Variants in ADAMTS18 observed in about 807,000 individuals in gnomAD.
The protein encoded by ADAMTS18 is ADAM metallopeptidase with thrombospondin type 1 motif 18, also known as A disintegrin and metalloproteinase with thrombospondin motifs 18.
ADAMTS18 carries 157 observed loss-of-function variants against 165.9 expected under a neutral mutation model. That is an observed-to-expected ratio of 0.95 (90% CI 0.83 to 1.08). ADAMTS18 has a LOEUF of 1.08. Among genes scored for constraint, ADAMTS18 ranks in the 50% least tolerant of loss-of-function variants. The pLI is 0.00. For synonymous variants in ADAMTS18, 782 were observed against 578.2 expected (o/e 1.35, Z -5.06); for missense variants, 2,040 against 1,534.0 (o/e 1.33, Z -5.51).
At position 77,283,115 on chromosome 16, in the gene ADAMTS18, T is replaced by A. The variant is rs1158161554; in HGVS notation, c.*841A>T. 6.6e-6 allele frequency: 1 copy of A among 152,534 alleles called. No individual in the cohort carries two copies. Among genetic ancestry groups the A allele is most frequent in the Admixed American group, 6.5e-5 (1 of 15,268 alleles). The allele number at this position is 152,534 out of a possible 1,614,324, so 9.4% of individuals were successfully genotyped here. A position where few individuals can be genotyped will look rare whatever the true frequency, so the allele number is the denominator to read the frequency against. The stretch of plus-strand genomic sequence containing the variant: ...CTAGATATTTTTTAAATACCAGAAA[T>A]GGGTATGTAGCATTCCCAAAGAGCG... On this transcript the variant is annotated 3_prime_UTR_variant, in exon 23 of 23. Transcript: ENST00000282849.
At chr16:77,396,020 C>A (rs771322069) in intron 3 of ADAMTS18, among the ~76,000 whole-genome samples, 1 of 152,176 alleles carries the variant, frequency 6.6e-6, no homozygotes, top group South Asian at 2.1e-4. Context: ...AGGGTAGGGA[C>A]AAGACCATTA....
In ADAMTS18 at chr16:77,294,962, A is replaced by C. The variant is rs745888861; in HGVS notation, c.2967T>G (p.His989Gln). The C allele has an allele frequency of 5.6e-6, 9 of 1,614,042 alleles. No individual in the cohort carries two copies. The highest frequency in any genetic ancestry group is 1.7e-5 in the Admixed American group (1 of 59,994). Residue 989 changes from histidine to glutamine, a missense_variant, in exon 19 of 23, where the codon CAT (histidine) becomes CAG (glutamine). His to Gln is a conservative substitution (Grantham distance 24). Transcript: ENST00000282849. ...TPTQVQACNS[H>Q]ACPPQWSLGP... ...CAAGGCTCCATTGTGGAGGGCAGGC[A>C]TGGCTGTTGCAGGCTTGGACCTGAG... is the stretch of plus-strand genomic sequence containing the variant.
At chr16:77,328,966 G>A (rs2056141741) in intron 12 of ADAMTS18, among the ~76,000 whole-genome samples, 1 of 152,220 alleles carries the variant, frequency 6.6e-6, no homozygotes, top group Admixed American at 6.5e-5. Flanking sequence ...TGTGGACTCA[G>A]TCCAGGATTT....
intron 3 of ADAMTS18, among the ~76,000 whole-genome samples, chr16:77,394,255 C>T (rs574013860): frequency 1.3e-5 from 2 of 152,212 alleles, no homozygotes; most frequent in East Asian, 3.9e-4. Flanking sequence ...CTATTCATTG[C>T]TTTGTGTCTG....
At chr16:77,424,858 G>T (rs1036979762) in intron 3 of ADAMTS18, among the ~76,000 whole-genome samples, 4 of 152,230 alleles carry the variant, frequency 2.6e-5, no homozygotes, top group African/African-American at 7.2e-5. Flanking sequence ...CTCCAAGGGG[G>T]TGTATGTAAT....
At chr16:77,353,052 C>A (rs1211065484) in intron 10 of ADAMTS18, among the ~76,000 whole-genome samples, 1 of 152,110 alleles carries the variant, frequency 6.6e-6, no homozygotes, top group Non-Finnish European at 1.5e-5. Context: ...TGCCCTCAAG[C>A]CTGGGCAACA....
chr16:77,338,403 T>C (rs2056344766), intron 11 of ADAMTS18, among the ~76,000 whole-genome samples: 1 of 151,770 alleles, frequency 6.6e-6, no homozygotes, highest in Non-Finnish European at 1.5e-5. Context: ...GCTCAGGTAA[T>C]TTTTTGTATT....
In ADAMTS18 at chr16:77,431,821, G is replaced by A. The variant is rs115489458; in HGVS notation, c.179-210C>T. 3.8e-4 allele frequency: 227 copies of A among 599,642 alleles called. 1 individual carries two copies. The highest frequency in any genetic ancestry group is 3.8e-3 in the African/African-American group (204 of 53,994). 37.1% of individuals were successfully genotyped at this position (599,642 alleles called of 1,614,324 possible). A position where few individuals can be genotyped will look rare whatever the true frequency, so the allele number is the denominator to read the frequency against. On this transcript the variant is annotated intron_variant, in intron 2 of 22. Transcript: ENST00000282849. ...GCCACAGTCATTTCTACAGGTGCCC[G>A]AAAGCCAAGCACAATTTTGATGAAT...
At chr16:77,378,544 G>A (rs535942905) in intron 3 of ADAMTS18, among the ~76,000 whole-genome samples, 6 of 151,912 alleles carry the variant, frequency 3.9e-5, no homozygotes, top group Non-Finnish European at 7.4e-5. Context: ...GCGAAACCCT[G>A]ACTCCACTGA....
chr16:77,311,156 A>G (rs927508464), intron 16 of ADAMTS18, among the ~76,000 whole-genome samples: 1 of 152,224 alleles, frequency 6.6e-6, no homozygotes, highest in Admixed American at 6.5e-5. Flanking sequence ...TGTGGAAAAC[A>G]TACACTTCTG....
intron 10 of ADAMTS18, among the ~76,000 whole-genome samples, chr16:77,351,669 G>A (rs937277307): frequency 6.6e-5 from 10 of 152,136 alleles, no homozygotes; most frequent in Admixed American, 2.6e-4. Context: ...TCAACAAAGT[G>A]AATGGCTACT....
intron 6 of ADAMTS18, among the ~76,000 whole-genome samples, chr16:77,363,273 G>C (rs147903710): frequency 6.6e-6 from 1 of 152,126 alleles, no homozygotes; most frequent in Non-Finnish European, 1.5e-5. Flanking sequence ...TCCAAGGACA[G>C]TTAAATATCC....
At chr16:77,345,587 T>G (rs779844054) in intron 10 of ADAMTS18, among the ~76,000 whole-genome samples, 11 of 152,166 alleles carry the variant, frequency 7.2e-5, no homozygotes, top group Non-Finnish European at 1.6e-4. Context: ...CAGTTTATTC[T>G]CAACACAGTG....
Position 77,283,885 on chromosome 16 carries a change from A to C in ADAMTS18, c.*71T>G. The C allele has an allele frequency of 8.1e-7, 1 of 1,229,828 alleles. No homozygotes were observed. The highest frequency in any genetic ancestry group is 1.2e-5 in the South Asian group (1 of 82,770). The allele number at this position is 1,229,828 out of a possible 1,614,324, so 76.2% of individuals were successfully genotyped here. A position where few individuals can be genotyped will look rare whatever the true frequency, so the allele number is the denominator to read the frequency against. Reference sequence around the variant, plus strand: ...TTCTCGGTGCTCAGCTCCTGGTCTCAAAGGCAGCTGGTCTCTCTAGAGGTT... The same window carrying C: ...TTCTCGGTGCTCAGCTCCTGGTCTCCAAGGCAGCTGGTCTCTCTAGAGGTT... On this transcript the variant is annotated 3_prime_UTR_variant, in exon 23 of 23. Transcript: ENST00000282849.
chr16:77,376,661 C>T (rs1351222293), intron 3 of ADAMTS18, among the ~76,000 whole-genome samples: 1 of 152,062 alleles, frequency 6.6e-6, no homozygotes, highest in East Asian at 1.9e-4. Context: ...GACTTAGCTG[C>T]TAAAGCTTAA....
At chr16:77,396,099 T>C (rs1168648154) in intron 3 of ADAMTS18, among the ~76,000 whole-genome samples, 1 of 152,176 alleles carries the variant, frequency 6.6e-6, no homozygotes, top group Non-Finnish European at 1.5e-5. Context: ...CCCAACTCTT[T>C]TGGGAAAGCC....
intron 7 of ADAMTS18, among the ~76,000 whole-genome samples, chr16:77,361,499 G>A (rs1193598285): frequency 6.6e-6 from 1 of 152,186 alleles, no homozygotes; most frequent in Non-Finnish European, 1.5e-5. Flanking sequence ...TCAGCTACCT[G>A]ATTCTGTGGT....
At chr16:77,288,415 T>C (rs1279214395) in intron 22 of ADAMTS18, among the ~76,000 whole-genome samples, 1 of 151,956 alleles carries the variant, frequency 6.6e-6, no homozygotes, top group Non-Finnish European at 1.5e-5. Context: ...TTTTTGGTCT[T>C]GTGCAAGATT....
chr16:77,423,519 G>T (rs1319348393), intron 3 of ADAMTS18, among the ~76,000 whole-genome samples: 1 of 151,828 alleles, frequency 6.6e-6, no homozygotes, highest in Non-Finnish European at 1.5e-5. Flanking sequence ...AGCATCCATA[G>T]CCCCCATGAG....
Sources: allele counts gnomAD v4.1 joint callset (sites outside exome capture counted in the v4.1 genomes callset), GRCh38; gene constraint gnomAD v4.1.1; transcripts MANE v1.5; gene names NCBI Gene and HGNC (gene_info 2026-07-23, HGNC 2026-07-21).